IL6ST: variants seen among roughly 807,000 people sequenced by gnomAD.
The protein encoded by IL6ST is interleukin-6 receptor subunit beta.
A neutral mutation model predicts 91.3 loss-of-function variants in IL6ST; 24 were observed. The ratio of observed to expected loss-of-function variants is 0.26; its 90% CI spans 0.19 to 0.37. IL6ST has a LOEUF of 0.37. Among genes scored for constraint, IL6ST ranks in the 10% least tolerant of loss-of-function variants. The pLI is 1.00. For missense variants in IL6ST, 914 were observed against 1,078.5 expected (o/e 0.85, Z 2.14); for synonymous variants, 351 against 373.6 (o/e 0.94, Z 0.70).
chr5:55,951,638 A>T, intron 13 of IL6ST, 34 bp from the exon 14 acceptor site: 1 of 1,584,682 alleles, frequency 6.3e-7, no homozygotes, highest in Non-Finnish European at 8.6e-7. Context: ...TCATTCAACT[A>T]TTCAATGCTT....
chr5:55,967,306 T>C (rs1258397755), intron 5 of IL6ST, among the ~76,000 whole-genome samples: 1 of 30,810 alleles, frequency 3.2e-5, no homozygotes, highest in African/African-American at 2.0e-4. Context: ...CAAGACTCCA[T>C]CTCAAAAAAA....
Position 55,941,788 on chromosome 5 carries a change from G to A in IL6ST, c.2051C>T (p.Ser684Leu). The A allele has an allele frequency of 2.5e-6, 4 of 1,612,308 alleles. No homozygotes were observed. Among genetic ancestry groups the A allele is most frequent in the Non-Finnish European group, 3.4e-6 (4 of 1,179,236 alleles). Residue 684 changes from serine (S) to leucine (L), a missense_variant, in exon 17 of 17, where the codon TCA (serine) becomes TTA (leucine). Coordinates refer to ENST00000381298, the MANE Select transcript of IL6ST (RefSeq NM_002184.4). Reference sequence around the variant, plus strand: ...ACTTACATCAGTGAAATTGCCATCTGAATACATTTGATCTTTTGAATTAAA... The same window carrying A: ...ACTTACATCAGTGAAATTGCCATCTAAATACATTTGATCTTTTGAATTAAA... ...HNFNSKDQMY[S>L]DGNFTDVSVV...
intron 14 of IL6ST, among the ~76,000 whole-genome samples, chr5:55,949,266 G>A (rs924855022): frequency 2.0e-5 from 3 of 152,102 alleles, no homozygotes; most frequent in Admixed American, 6.5e-5. Flanking sequence ...GAGGCCAGGA[G>A]TTCAAAACCA....
chr5:55,973,601 T>C (rs1309366446), intron 3 of IL6ST, among the ~76,000 whole-genome samples: 1 of 152,208 alleles, frequency 6.6e-6, no homozygotes, highest in Non-Finnish European at 1.5e-5. Flanking sequence ...AGTCTGAAGA[T>C]GACTCCAGCC....
rs772769319 is a variant in IL6ST, at chr5:55,963,450, T to C, written c.715A>G (p.Ile239Val). 3 of 1,607,752 alleles carry C rather than the reference T, an allele frequency of 1.9e-6. No individual in the cohort carries two copies. Among genetic ancestry groups the C allele is most frequent in the Non-Finnish European group, 2.6e-6 (3 of 1,174,770 alleles). ...SVINSEELSSILKLTWTNPSI... is the reference protein window; with the variant it reads ...SVINSEELSSVLKLTWTNPSI... ...GGGTTGGTCCATGTCAATTTTAAGA[T>C]ACTAGACAGTTCCTCTGAGTTGATC... The change falls in exon 7 of 17, where the codon ATC (isoleucine) becomes GTC (valine). Residue 239 changes from isoleucine to valine, a missense_variant. Ile to Val is a conservative substitution (Grantham distance 29, BLOSUM62 3). Transcript: ENST00000381298.
In IL6ST at chr5:55,941,065, C is replaced by A; in HGVS notation, c.*17G>T. 6.3e-7 allele frequency: 1 copy of A among 1,577,636 alleles called. No individual in the cohort carries two copies. Among genetic ancestry groups the A allele is most frequent in the South Asian group, 1.2e-5 (1 of 85,310 alleles). On this transcript the variant is annotated 3_prime_UTR_variant, in exon 17 of 17. Transcript: ENST00000381298. ...TTTATAGGTACTGCTGAAGTTGTAGCAGGAACTACTAGTCCTTCACTGAGG... is the reference window on the plus strand; with the variant it reads ...TTTATAGGTACTGCTGAAGTTGTAGAAGGAACTACTAGTCCTTCACTGAGG...
intron 2 of IL6ST, among the ~76,000 whole-genome samples, chr5:55,980,550 A>C (rs1426509290): frequency 1.3e-5 from 2 of 152,190 alleles, no homozygotes; most frequent in African/African-American, 4.8e-5. Context: ...ACTCCGTCTC[A>C]AAAAATAAAT....
intron 3 of IL6ST, among the ~76,000 whole-genome samples, chr5:55,973,575 G>A (rs1252762273): frequency 2.0e-5 from 3 of 152,196 alleles, no homozygotes; most frequent in Admixed American, 6.5e-5. Flanking sequence ...ATTAACAACA[G>A]ACATATAAGC....
rs1580791772 is a variant in IL6ST at position 55,947,581 on chromosome 5, C to G, written c.1849G>C (p.Glu617Gln). 2 of 686,636 alleles carry G rather than the reference C, an allele frequency of 2.9e-6. No individual in the cohort carries two copies. Among genetic ancestry groups the G allele is most frequent in the Non-Finnish European group, 4.6e-6 (2 of 431,918 alleles). The allele number at this position is 686,636 out of a possible 1,614,324, so 42.5% of individuals were successfully genotyped here. Residue 617 changes from glutamate to glutamine, a missense_variant, in exon 15 of 17, where the codon GAA becomes CAA. Coordinates refer to ENST00000381298, the MANE Select transcript of IL6ST (RefSeq NM_002184.4). ...TFTTPKFAQG[E>Q]IEAIVVPVCL... The stretch of plus-strand genomic sequence containing the variant: ...ACAGGCACGACTATGGCTTCAATTT[C>G]TCCTTGAGCTTAAAAAAAAAAAAAA...
intron 3 of IL6ST, among the ~76,000 whole-genome samples, chr5:55,974,988 C>T (rs1474211294): frequency 6.6e-6 from 1 of 151,718 alleles, no homozygotes; most frequent in African/African-American, 2.4e-5. Flanking sequence ...CACACGTACA[C>T]ATAAATATTT....
chr5:55,994,001 G>A (rs1754487621), intron 1 of IL6ST: 1 of 120,524 alleles, frequency 8.3e-6, no homozygotes, highest in East Asian at 2.8e-4. Context: ...CAGTATAATT[G>A]TTGAAATACT....
At chr5:55,986,187 T>A (rs911028146) in intron 1 of IL6ST, among the ~76,000 whole-genome samples, 3 of 152,232 alleles carry the variant, frequency 2.0e-5, no homozygotes, top group Admixed American at 6.5e-5. Context: ...GACTACTACT[T>A]CTATCATTGT....
chr5:55,980,539 A>G (rs1451732082), intron 2 of IL6ST, among the ~76,000 whole-genome samples: 4 of 152,054 alleles, frequency 2.6e-5, no homozygotes, highest in African/African-American at 9.7e-5. Flanking sequence ...GACAGAGTGA[A>G]ACTCCGTCTC....
At position 55,941,638 on chromosome 5, in the gene IL6ST, A is replaced by G. The variant is rs774424754; in HGVS notation, c.2201T>C (p.Met734Thr). The G allele has an allele frequency of 6.2e-7, 1 of 1,614,054 alleles. No individual in the cohort carries two copies. The highest frequency in any genetic ancestry group is 2.2e-5 in the East Asian group (1 of 44,896). Residue 734 changes from methionine (M) to threonine (T), a missense_variant, in exon 17 of 17, where the codon ATG becomes ACG. By Grantham distance (81) the Met-to-Thr change is moderately conservative (BLOSUM62 -1). Coordinates refer to ENST00000381298, the MANE Select transcript of IL6ST (RefSeq NM_002184.4). ...AGAAATGCTTGGCCTAGAAGATGAC[A>G]TGCATGAAGACCCCCCAATACCACT... ...HSSGIGGSSC[M>T]SSSRPSISSS...
intron 2 of IL6ST, 54 bp downstream of exon 2, chr5:55,982,670 T>C (rs915011726): frequency 1.0e-5 from 4 of 397,518 alleles, no homozygotes; most frequent in African/African-American, 2.1e-5. Flanking sequence ...GGATTATTTA[T>C]TGGAACTTTG....
intron 1 of IL6ST, among the ~76,000 whole-genome samples, chr5:55,986,859 T>A (rs760958957): frequency 6.6e-6 from 1 of 152,224 alleles, no homozygotes; most frequent in Non-Finnish European, 1.5e-5. Flanking sequence ...TTTTAGCATA[T>A]ATTTTACTTT....
rs182303811 is a variant in IL6ST at position 55,986,262 on chromosome 5, C to G, written c.-103-3451G>C. Among the ~76,000 whole-genome samples the G allele has an allele frequency of 1.4e-3, 209 of 152,248 alleles. No homozygotes were observed. In the Middle Eastern group the frequency reaches 0.017, roughly 12 times the overall value. On this transcript the variant is annotated intron_variant, in intron 1 of 16. Coordinates refer to ENST00000381298, the MANE Select transcript of IL6ST (RefSeq NM_002184.4). ...TTTACTTCTCCTTGCAGTTTTTACC[C>G]TGTTGTGTTTTGAAACTATGTTATT... is the stretch of plus-strand genomic sequence containing the variant.
chr5:55,957,144 G>A (rs1420994711), intron 9 of IL6ST, 65 bp downstream of exon 9: 8 of 809,118 alleles, frequency 9.9e-6, no homozygotes, highest in South Asian at 8.4e-5. Flanking sequence ...GCAATGGAGC[G>A]AGACTCGGTT....
rs1214592581 is a variant in IL6ST at position 55,937,327 on chromosome 5, C to G, written c.*3755G>C. The G allele has an allele frequency of 4.7e-6, 1 of 213,630 alleles. No individual in the cohort carries two copies. The highest frequency in any genetic ancestry group is 2.3e-5 in the African/African-American group (1 of 44,178). The allele number at this position is 213,630 out of a possible 1,614,324, so 13.2% of individuals were successfully genotyped here. A position where few individuals can be genotyped will look rare whatever the true frequency, so the allele number is the denominator to read the frequency against. ...GGAACAAATGAGCAACAGAAGAGCT[C>G]ACCCTGAGCTGCCACCTTTTAATTT... On this transcript the variant is annotated 3_prime_UTR_variant, in exon 17 of 17. Coordinates refer to ENST00000381298, the MANE Select transcript of IL6ST (RefSeq NM_002184.4).
Sources: gnomAD v4.1 joint callset for allele counts (sites outside exome capture counted in the v4.1 genomes callset) on GRCh38, gnomAD v4.1.1 for gene constraint, MANE v1.5 for transcripts, NCBI Gene and HGNC (gene_info 2026-07-23, HGNC 2026-07-21) for gene names.